RALA: variants seen among roughly 807,000 people sequenced by gnomAD.
The protein encoded by RALA is ras-related protein Ral-A.
RALA carries 5 observed loss-of-function variants against 24.0 expected under a neutral mutation model. That is an observed-to-expected ratio of 0.21 (90% CI 0.11 to 0.44). RALA has a LOEUF of 0.44. Among genes scored for constraint, RALA ranks in the 20% least tolerant of loss-of-function variants. RALA has a pLI of 0.99. For missense variants in RALA, 95 were observed against 241.2 expected (o/e 0.39, Z 4.01); for synonymous variants, 77 against 83.8 (o/e 0.92, Z 0.44).
chr7:39,662,815 A>G (rs145306829), intron 1 of RALA, among the ~76,000 whole-genome samples: 510 of 152,288 alleles, frequency 3.3e-3, no homozygotes, highest in African/African-American at 0.011. Flanking sequence ...ATTTTTGGGT[A>G]TCTTTACGAC....
At chr7:39,704,199 G>A (rs1583764286) in intron 4 of RALA, among the ~76,000 whole-genome samples, 1 of 148,682 alleles carries the variant, frequency 6.7e-6, no homozygotes, top group African/African-American at 2.5e-5. Flanking sequence ...ATTTGTCTTT[G>A]TTTTGTTTTG....
intron 4 of RALA, chr7:39,701,100 G>A (rs773494304): frequency 2.0e-5 from 3 of 152,236 alleles, no homozygotes; most frequent in Non-Finnish European, 4.4e-5. Flanking sequence ...AGGAAGCTGC[G>A]GTGTGGGGAG....
At chr7:39,646,537 T>C (rs1026161554) in intron 1 of RALA, among the ~76,000 whole-genome samples, 5 of 151,838 alleles carry the variant, frequency 3.3e-5, no homozygotes, top group Admixed American at 3.3e-4. Flanking sequence ...GGCAGGAGGA[T>C]CACTTCACTT....
chr7:39,700,128 T>TA (rs1792998350), intron 4 of RALA, among the ~76,000 whole-genome samples: 1 of 152,070 alleles, frequency 6.6e-6, no homozygotes, highest in Non-Finnish European at 1.5e-5. Flanking sequence ...TTTCAAAAAA[T>TA]AAAAAATAAA....
intron 1 of RALA, among the ~76,000 whole-genome samples, chr7:39,625,849 T>C (rs1046037939): frequency 6.6e-6 from 1 of 152,236 alleles, no homozygotes; most frequent in African/African-American, 2.4e-5. Context: ...CCTCTCCAAG[T>C]ATGTGGTGGT....
At chr7:39,653,139 C>G (rs1215203792) in intron 1 of RALA, among the ~76,000 whole-genome samples, 1 of 152,066 alleles carries the variant, frequency 6.6e-6, no homozygotes, top group East Asian at 1.9e-4. Context: ...AAGCGATTCT[C>G]CTGCCTCAGC....
chr7:39,660,648 T>G (rs1792170976), intron 1 of RALA, among the ~76,000 whole-genome samples: 1 of 152,208 alleles, frequency 6.6e-6, no homozygotes, highest in African/African-American at 2.4e-5. Flanking sequence ...AGTTGACCCT[T>G]GAACAACACA....
chr7:39,625,335 C>G (rs979932389), intron 1 of RALA, among the ~76,000 whole-genome samples: 5 of 152,150 alleles, frequency 3.3e-5, no homozygotes, highest in African/African-American at 1.2e-4. Context: ...AACTTGTATT[C>G]TAGTGTTAAA....
chr7:39,696,931 C>T (rs1792932568), intron 4 of RALA, 72 bp downstream of exon 4: 1 of 1,386,950 alleles, frequency 7.2e-7, no homozygotes. Context: ...TCCATTTTGT[C>T]TGGAGAGTCT....
chr7:39,670,852 C>G (rs1406079315), intron 1 of RALA, among the ~76,000 whole-genome samples: 5 of 152,094 alleles, frequency 3.3e-5, no homozygotes, highest in Non-Finnish European at 7.4e-5. Context: ...TCAGATTTTT[C>G]TTATTAAATA....
intron 3 of RALA, among the ~76,000 whole-genome samples, chr7:39,694,634 A>G (rs1792885208): frequency 1.3e-5 from 2 of 152,212 alleles, no homozygotes; most frequent in South Asian, 4.1e-4. Flanking sequence ...GCTGAGTACA[A>G]TGTTAGTGGT....
chr7:39,688,793 A>G (rs1309300445), intron 2 of RALA, among the ~76,000 whole-genome samples: 3 of 152,212 alleles, frequency 2.0e-5, no homozygotes, highest in Non-Finnish European at 2.9e-5. Context: ...TCACACTGCT[A>G]TAAAGAAGTA....
chr7:39,650,283 GT>G (rs1271020258), intron 1 of RALA, among the ~76,000 whole-genome samples: 1 of 152,122 alleles, frequency 6.6e-6, no homozygotes, highest in African/African-American at 2.4e-5. Flanking sequence ...CCTGCTGCCT[GT>G]TTTTAAAATA....
At chr7:39,667,385 T>C (rs915663356) in intron 1 of RALA, among the ~76,000 whole-genome samples, 5 of 152,214 alleles carry the variant, frequency 3.3e-5, no homozygotes, top group Admixed American at 1.3e-4. Context: ...AAATTTGTAA[T>C]TCTGTAATAG....
intron 1 of RALA, among the ~76,000 whole-genome samples, chr7:39,648,447 T>C (rs1791965225): frequency 6.6e-6 from 1 of 151,970 alleles, no homozygotes; most frequent in African/African-American, 2.4e-5. Flanking sequence ...CACAGTTAAC[T>C]CTTTCGTCCA....
At chr7:39,639,179 A>T (rs1182225848) in intron 1 of RALA, among the ~76,000 whole-genome samples, 2 of 152,374 alleles carry the variant, frequency 1.3e-5, no homozygotes, top group East Asian at 3.9e-4. Context: ...TCACAAAAAC[A>T]TCACAAACTT....
intron 1 of RALA, among the ~76,000 whole-genome samples, chr7:39,657,994 C>T (rs1466166376): frequency 6.6e-6 from 1 of 152,198 alleles, no homozygotes; most frequent in African/African-American, 2.4e-5. Flanking sequence ...GGTACTCTTC[C>T]TCCTACTTCT....
Position 39,682,301 on chromosome 7 carries a change from A to G in RALA, c.-37-4330A>G, listed in dbSNP as rs1442179018. Reference sequence around the variant, plus strand: ...TAGTAGTTATACGGGAACTGGTAATACCATTGCTGCTGCTGCTGCTGCTGC... The same window carrying G: ...TAGTAGTTATACGGGAACTGGTAATGCCATTGCTGCTGCTGCTGCTGCTGC... On this transcript the variant is annotated intron_variant, in intron 1 of 4. Transcript: ENST00000005257. 4.6e-5 allele frequency among the ~76,000 whole-genome samples: 7 copies of G among 151,506 alleles called. No homozygotes were observed. In the East Asian group the frequency reaches 1.4e-3, roughly 29 times the overall value.
chr7:39,632,154 G>A (rs568011236), intron 1 of RALA, among the ~76,000 whole-genome samples: 16 of 152,196 alleles, frequency 1.1e-4, no homozygotes, highest in Non-Finnish European at 1.5e-4. Flanking sequence ...GACTAGGCCC[G>A]CCTCCAACCT....
Sources: gnomAD v4.1 joint callset for allele counts (sites outside exome capture counted in the v4.1 genomes callset) on GRCh38, gnomAD v4.1.1 for gene constraint, MANE v1.5 for transcripts, NCBI Gene and HGNC (gene_info 2026-07-23, HGNC 2026-07-21) for gene names.